The following PTPRM variants were observed in gnomAD, a reference collection of about 807,000 sequenced individuals.
PTPRM encodes receptor-type tyrosine-protein phosphatase mu.
Under a neutral mutation model 186.7 loss-of-function variants are expected in PTPRM, and 47 were observed. The ratio of observed to expected loss-of-function variants is 0.25; its 90% CI spans 0.20 to 0.32. PTPRM has a LOEUF of 0.32. Ranked by LOEUF, PTPRM falls within the 10% of genes least tolerant of loss-of-function variation. The pLI is 1.00. For missense variants in PTPRM, 1,494 were observed against 1,865.0 expected, an observed-to-expected ratio of 0.80 and a Z score of 3.66; for synonymous variants, 668 against 674.9, an observed-to-expected ratio of 0.99 and a Z score of 0.16.
At chr18:8,136,724 A>G (rs2092648058) in intron 13 of PTPRM, among the ~76,000 whole-genome samples, 2 of 152,218 alleles carry the variant, frequency 1.3e-5, no homozygotes, top group African/African-American at 2.4e-5. Context: ...AAAAACAATA[A>G]TATGTAATTT....
chr18:8,372,740 G>A (rs1282785929), intron 24 of PTPRM, among the ~76,000 whole-genome samples: 1 of 151,116 alleles, frequency 6.6e-6, no homozygotes, highest in African/African-American at 2.4e-5. Context: ...AAAAACACAT[G>A]GAGGATTTTT....
intron 19 of PTPRM, among the ~76,000 whole-genome samples, chr18:8,282,506 A>G (rs1349821205): frequency 6.6e-6 from 1 of 152,134 alleles, no homozygotes. Flanking sequence ...CTACTAAAAT[A>G]CAAAAATTAG....
At chr18:8,090,204 A>G (rs144071813) in intron 11 of PTPRM, among the ~76,000 whole-genome samples, 249 of 152,310 alleles carry the variant, frequency 1.6e-3, no homozygotes, top group Middle Eastern at 6.8e-3. Context: ...AAGTGTACCC[A>G]TGACCATGGC....
intron 7 of PTPRM, among the ~76,000 whole-genome samples, chr18:7,960,843 TAGA>T (rs2053631974): frequency 2.0e-5 from 3 of 151,892 alleles, no homozygotes; most frequent in Admixed American, 2.0e-4. Flanking sequence ...TGAAGAAAAA[TAGA>T]AGAAGGGATA....
intron 2 of PTPRM, among the ~76,000 whole-genome samples, chr18:7,852,732 T>G (rs1252329992): frequency 2.6e-5 from 4 of 152,038 alleles, no homozygotes; most frequent in Non-Finnish European, 5.9e-5. Flanking sequence ...GGCATGCACT[T>G]GTATTTTCAG....
intron 7 of PTPRM, among the ~76,000 whole-genome samples, chr18:7,987,904 C>T (rs1051287604): frequency 1.3e-5 from 2 of 151,180 alleles, no homozygotes; most frequent in Non-Finnish European, 2.9e-5. Flanking sequence ...TGATAGCAGG[C>T]ACAGTGGCTC....
At chr18:8,338,974 T>C (rs1295805285) in intron 22 of PTPRM, among the ~76,000 whole-genome samples, 1 of 152,134 alleles carries the variant, frequency 6.6e-6, no homozygotes, top group Non-Finnish European at 1.5e-5. Context: ...ACAAGTGCAG[T>C]TGTGTTACGT....
At chr18:7,846,282 T>C (rs992347543) in intron 2 of PTPRM, among the ~76,000 whole-genome samples, 1 of 152,222 alleles carries the variant, frequency 6.6e-6, no homozygotes, top group Admixed American at 6.5e-5. Flanking sequence ...CCCCATTACA[T>C]ACAGCAGTGG....
intron 2 of PTPRM, among the ~76,000 whole-genome samples, chr18:7,873,150 A>C (rs997105426): frequency 5.9e-5 from 9 of 152,202 alleles, no homozygotes; most frequent in African/African-American, 2.2e-4. Flanking sequence ...CCATACTGTC[A>C]TCATAAGCAT....
chr18:8,138,813 G>A (rs186010565), intron 13 of PTPRM, among the ~76,000 whole-genome samples: 58 of 152,176 alleles, frequency 3.8e-4, no homozygotes, highest in African/African-American at 1.1e-3. Flanking sequence ...ATTAGCATTC[G>A]CATTCAGAGA....
chr18:7,775,513 A>G (rs1394158163), intron 2 of PTPRM, among the ~76,000 whole-genome samples: 1 of 152,106 alleles, frequency 6.6e-6, no homozygotes, highest in Non-Finnish European at 1.5e-5. Flanking sequence ...TTTCCCAAAC[A>G]GGTGTCTTCC....
chr18:8,238,733 C>T (rs1261644407), intron 14 of PTPRM, among the ~76,000 whole-genome samples: 1 of 124,110 alleles, frequency 8.1e-6, no homozygotes, highest in Non-Finnish European at 1.6e-5. Flanking sequence ...GGTAAATAGG[C>T]CTTTAGTAAC....
chr18:8,406,350 T>C lies in PTPRM; in HGVS notation c.*188T>C. The stretch of plus-strand genomic sequence containing the variant: ...GCCCAATCCCAGTAATGCTGCTGCC[T>C]GACAGAAACACACACACAGCCACAG... On this transcript the variant is annotated 3_prime_UTR_variant, in exon 33 of 33. Transcript: ENST00000580170. 1.7e-6 allele frequency: 1 copy of C among 588,416 alleles called. No individual in the cohort carries two copies. The highest frequency in any genetic ancestry group is 2.1e-5 in the South Asian group (1 of 47,760). The allele number at this position is 588,416 out of a possible 1,614,324, so 36.4% of individuals were successfully genotyped here.
chr18:7,897,168 G>A (rs544936579), intron 3 of PTPRM, among the ~76,000 whole-genome samples: 5 of 152,168 alleles, frequency 3.3e-5, no homozygotes, highest in East Asian at 1.9e-4. Flanking sequence ...AGGCCATTTC[G>A]GAGGCTAGGA....
intron 30 of PTPRM, among the ~76,000 whole-genome samples, chr18:8,386,082 T>C (rs1324808048): frequency 1.3e-5 from 2 of 151,912 alleles, no homozygotes; most frequent in Non-Finnish European, 1.5e-5. Flanking sequence ...ACCGGATTGT[T>C]TGTGGGTGGG....
chr18:8,343,111 G>C (rs2095484621), intron 22 of PTPRM, among the ~76,000 whole-genome samples: 1 of 138,244 alleles, frequency 7.2e-6, no homozygotes, highest in South Asian at 2.3e-4. Context: ...TCACTCTTGA[G>C]TACTATGGAG....
chr18:8,118,188 T>C (rs1026261896), intron 13 of PTPRM, among the ~76,000 whole-genome samples: 1 of 152,244 alleles, frequency 6.6e-6, no homozygotes, highest in Non-Finnish European at 1.5e-5. Flanking sequence ...ATGCACATTA[T>C]ATTAATCTTC....
intron 1 of PTPRM, among the ~76,000 whole-genome samples, chr18:7,705,448 T>A (rs916323185): frequency 7.2e-5 from 11 of 152,078 alleles, no homozygotes; most frequent in Non-Finnish European, 1.5e-4. Context: ...GTTAATATTG[T>A]ATAGTTTTAA....
At chr18:8,006,151 T>C (rs80176473) in intron 7 of PTPRM, among the ~76,000 whole-genome samples, 3,245 of 152,312 alleles carry the variant, frequency 0.021, 45 homozygotes, top group African/African-American at 0.044. Context: ...ATCTGTGTTG[T>C]GGTTAGTAAT....
Sources: gnomAD v4.1 joint callset for allele counts (sites outside exome capture counted in the v4.1 genomes callset) on GRCh38, gnomAD v4.1.1 for gene constraint, MANE v1.5 for transcripts, NCBI Gene and HGNC (gene_info 2026-07-23, HGNC 2026-07-21) for gene names.